The following DENND1B variants were observed in gnomAD, a reference collection of about 807,000 sequenced individuals.
DENND1B encodes the protein DENN domain containing 1B, also known as DENN domain-containing protein 1B.
Under a neutral mutation model 90.1 loss-of-function variants are expected in DENND1B, and 59 were observed. That is an observed-to-expected ratio of 0.65 (90% CI 0.53 to 0.81). The LOEUF is 0.81. Ranked by LOEUF, DENND1B falls within the 40% of genes least tolerant of loss-of-function variation. DENND1B has a pLI of 0.00. For missense variants in DENND1B, 862 were observed against 912.6 expected (o/e 0.94, Z 0.71); for synonymous variants, 337 against 324.6 (o/e 1.04, Z -0.41).
At chr1:197,604,696 A>T (rs1676518085) in intron 13 of DENND1B, among the ~76,000 whole-genome samples, 1 of 151,270 alleles carries the variant, frequency 6.6e-6, no homozygotes, top group Admixed American at 6.6e-5. Flanking sequence ...ACTAATAGTA[A>T]CATTTTTCAG....
At chr1:197,557,869 T>G (rs1238041482) in intron 15 of DENND1B, among the ~76,000 whole-genome samples, 1 of 151,874 alleles carries the variant, frequency 6.6e-6, no homozygotes, top group African/African-American at 2.4e-5. Flanking sequence ...TAAGAAAATT[T>G]TTAGTTACTG....
At chr1:197,735,199 AC>A (rs757110484) in intron 2 of DENND1B, 22 of 1,029,518 alleles carry the variant, frequency 2.1e-5, no homozygotes, top group Non-Finnish European at 2.5e-5. Context: ...CAACATGCCT[AC>A]CATTGAGTAT....
intron 2 of DENND1B, among the ~76,000 whole-genome samples, chr1:197,717,248 T>C (rs1271159883): frequency 6.6e-6 from 1 of 151,968 alleles, no homozygotes; most frequent in Admixed American, 6.6e-5. Flanking sequence ...AACAACTTTA[T>C]GCACAAAGAC....
chr1:197,672,355 T>C lies in DENND1B; in HGVS notation c.177-199A>G, dbSNP rs543660360. Among the ~76,000 whole-genome samples the C allele has an allele frequency of 1.9e-3, 291 of 152,192 alleles. 1 individual carries two copies. Among genetic ancestry groups the C allele is most frequent in the African/African-American group, 6.6e-3 (273 of 41,568 alleles). On this transcript the variant is annotated intron_variant, in intron 4 of 22. Coordinates refer to ENST00000620048, the MANE Select transcript of DENND1B (RefSeq NM_001195215.2). ...CACCAAAATAAGTTGTAATACCTCA[T>C]AGACTGAACAGTTCAGCATATATTA...
chr1:197,567,767 T>C (rs1672802960), intron 15 of DENND1B, among the ~76,000 whole-genome samples: 1 of 152,080 alleles, frequency 6.6e-6, no homozygotes, highest in African/African-American at 2.4e-5. Context: ...TCAACACTCA[T>C]GATGAAAACA....
intron 20 of DENND1B, among the ~76,000 whole-genome samples, chr1:197,534,535 A>C (rs1191466226): frequency 4.6e-5 from 7 of 152,196 alleles, no homozygotes; most frequent in African/African-American, 1.7e-4. Context: ...TTTAAAAACC[A>C]AAACTTTGCG....
intron 3 of DENND1B, among the ~76,000 whole-genome samples, chr1:197,684,879 A>G (rs2255086): frequency 0.029 from 4,422 of 152,100 alleles, 229 homozygotes; most frequent in African/African-American, 0.1. Context: ...AGCACTCTGG[A>G]AGGCTGAGGC....
intron 15 of DENND1B, among the ~76,000 whole-genome samples, chr1:197,580,522 A>G (rs1379720752): frequency 6.6e-6 from 1 of 152,120 alleles, no homozygotes; most frequent in Non-Finnish European, 1.5e-5. Context: ...TGAAGAGGGA[A>G]TATATGTTTG....
At chr1:197,740,860 C>G (rs1426154496) in intron 2 of DENND1B, among the ~76,000 whole-genome samples, 1 of 152,096 alleles carries the variant, frequency 6.6e-6, no homozygotes, top group Non-Finnish European at 1.5e-5. Context: ...AGCACTTTTG[C>G]AAGATAAATA....
intron 2 of DENND1B, among the ~76,000 whole-genome samples, chr1:197,740,630 A>C (rs1329754171): frequency 1.3e-5 from 2 of 152,236 alleles, no homozygotes; most frequent in Admixed American, 6.5e-5. Flanking sequence ...AATACAATTA[A>C]AATGACAGAA....
chr1:197,736,534 C>T (rs1030038549), intron 2 of DENND1B, among the ~76,000 whole-genome samples: 30 of 152,194 alleles, frequency 2.0e-4, no homozygotes, highest in Non-Finnish European at 3.5e-4. Context: ...GACAGGGTCT[C>T]ACTATGTTGT....
intron 2 of DENND1B, among the ~76,000 whole-genome samples, chr1:197,759,861 C>T (rs1654803353): frequency 6.6e-6 from 1 of 151,532 alleles, no homozygotes; most frequent in Non-Finnish European, 1.5e-5. Flanking sequence ...TCTCCTCAAA[C>T]CCAGCTTTTA....
chr1:197,624,022 A>G (rs1490595866), intron 10 of DENND1B, among the ~76,000 whole-genome samples: 1 of 151,582 alleles, frequency 6.6e-6, no homozygotes. Context: ...TCTATAGATT[A>G]CAATCCCAAT....
intron 9 of DENND1B, among the ~76,000 whole-genome samples, chr1:197,644,109 G>A (rs1680522525): frequency 6.6e-6 from 1 of 152,190 alleles, no homozygotes; most frequent in African/African-American, 2.4e-5. Context: ...TTGGTGGGAA[G>A]AGGTTTATTT....
intron 9 of DENND1B, among the ~76,000 whole-genome samples, chr1:197,645,372 T>C (rs1336672122): frequency 6.6e-6 from 1 of 152,052 alleles, no homozygotes; most frequent in Non-Finnish European, 1.5e-5. Flanking sequence ...TCTTCTATCA[T>C]ATACAGTGAA....
chr1:197,539,132 T>A (rs867257056), intron 20 of DENND1B, among the ~76,000 whole-genome samples: 53 of 152,324 alleles, frequency 3.5e-4, no homozygotes, highest in African/African-American at 1.2e-3. Context: ...GGTGCCTGGC[T>A]ATCCAGGAAA....
intron 15 of DENND1B, among the ~76,000 whole-genome samples, chr1:197,573,637 A>G (rs1260627158): frequency 6.6e-6 from 1 of 152,206 alleles, no homozygotes; most frequent in Non-Finnish European, 1.5e-5. Flanking sequence ...AGCCTGGCAA[A>G]GACACAACAA....
At chr1:197,569,849 G>C in intron 15 of DENND1B, among the ~76,000 whole-genome samples, 1 of 152,072 alleles carries the variant, frequency 6.6e-6, no homozygotes, top group Middle Eastern at 3.2e-3. Context: ...TCAACATGGA[G>C]AGTACAGTTA....
chr1:197,714,488 G>T (rs1323729485), intron 3 of DENND1B, among the ~76,000 whole-genome samples: 2 of 151,944 alleles, frequency 1.3e-5, no homozygotes, highest in African/African-American at 4.8e-5. Context: ...AATGCAAATG[G>T]AATAAATTCA....
Sources: allele counts gnomAD v4.1 joint callset (sites outside exome capture counted in the v4.1 genomes callset), GRCh38; gene constraint gnomAD v4.1.1; transcripts MANE v1.5; gene names NCBI Gene and HGNC (gene_info 2026-07-23, HGNC 2026-07-21).